ZNF280D: variants seen among roughly 807,000 people sequenced by gnomAD.
ZNF280D encodes zinc finger protein 280D, also known as suppressor of hairy wing homolog 4.
Under a neutral mutation model 94.7 loss-of-function variants are expected in ZNF280D, and 39 were observed. The observed-to-expected ratio is 0.41, with a 90% CI of 0.32 to 0.54. ZNF280D has a LOEUF of 0.54. Ranked by LOEUF, ZNF280D falls within the 20% of genes least tolerant of loss-of-function variation. The pLI is 0.22. For missense variants in ZNF280D, 1,090 were observed against 1,149.3 expected (o/e 0.95, Z 0.75); for synonymous variants, 398 against 377.6 (o/e 1.05, Z -0.63).
intron 9 of ZNF280D, among the ~76,000 whole-genome samples, chr15:56,685,515 C>T (rs1224638765): frequency 6.6e-6 from 1 of 151,944 alleles, no homozygotes; most frequent in Non-Finnish European, 1.5e-5. Flanking sequence ...GTTAGAGCCA[C>T]CAAATAAAGT....
intron 1 of ZNF280D, among the ~76,000 whole-genome samples, chr15:56,732,353 G>GT (rs745763595): frequency 1.4e-4 from 22 of 152,216 alleles, no homozygotes; most frequent in Non-Finnish European, 2.6e-4. Flanking sequence ...TTGTAGTGAT[G>GT]TTAAAACATC....
chr15:56,666,771 G>C lies in ZNF280D; in HGVS notation c.1761C>G (p.Tyr587Ter). The change falls in exon 15 of 22, where the codon TAC becomes TAG. Residue 587 changes from tyrosine (Y) to a stop codon, truncating the protein, a stop_gained. Transcript: ENST00000267807. LOFTEE classifies it high-confidence loss of function. The part of the protein sequence containing the change: ...TSKPNGSKSK[Y>*]KPKISNMQKK... ...TTTGCATATTAGAGATTTTTGGTTT[G>C]TATTTAGATTTACTTCCATTAGGCT... The C allele has an allele frequency of 6.2e-7, 1 of 1,613,584 alleles. No homozygotes were observed. Among genetic ancestry groups the C allele is most frequent in the Non-Finnish European group, 8.5e-7 (1 of 1,179,778 alleles).
At chr15:56,674,088 GC>G (rs1174089688) in intron 13 of ZNF280D, among the ~76,000 whole-genome samples, 1 of 152,054 alleles carries the variant, frequency 6.6e-6, no homozygotes, top group Non-Finnish European at 1.5e-5. Flanking sequence ...ACCTAAAGCA[GC>G]CCCTAGCACA....
intron 13 of ZNF280D, 69 bp from the exon 14 acceptor site, chr15:56,669,026 T>C: frequency 6.9e-7 from 1 of 1,447,044 alleles, no homozygotes; most frequent in Non-Finnish European, 9.4e-7. Context: ...GTCCTGAAAC[T>C]GCTGACTTAA....
intron 6 of ZNF280D, among the ~76,000 whole-genome samples, chr15:56,697,121 T>C (rs2056796984): frequency 6.6e-6 from 1 of 152,118 alleles, no homozygotes; most frequent in African/African-American, 2.4e-5. Flanking sequence ...TTAATTTGAT[T>C]CCAACTAATA....
At chr15:56,704,477 A>T (rs2057279086) in intron 3 of ZNF280D, among the ~76,000 whole-genome samples, 1 of 152,238 alleles carries the variant, frequency 6.6e-6, no homozygotes, top group African/African-American at 2.4e-5. Flanking sequence ...ATAAACAGAT[A>T]ATCAATGACA....
intron 16 of ZNF280D, among the ~76,000 whole-genome samples, chr15:56,662,278 C>A (rs1441661852): frequency 1.3e-5 from 2 of 151,638 alleles, no homozygotes; most frequent in Non-Finnish European, 2.9e-5. Flanking sequence ...AGAACTGAAC[C>A]TAAAAAATGC....
At chr15:56,709,066 C>T (rs1313957061) in intron 1 of ZNF280D, among the ~76,000 whole-genome samples, 1 of 152,062 alleles carries the variant, frequency 6.6e-6, no homozygotes, top group East Asian at 1.9e-4. Context: ...TCAGAGTGAA[C>T]AGGCAACCTA....
chr15:56,710,174 G>A (rs566491246), intron 1 of ZNF280D, among the ~76,000 whole-genome samples: 10 of 152,272 alleles, frequency 6.6e-5, no homozygotes, highest in South Asian at 6.2e-4. Context: ...AGGCCGAGGC[G>A]GGTGGATCAC....
intron 13 of ZNF280D, among the ~76,000 whole-genome samples, chr15:56,671,734 G>T (rs1169663281): frequency 6.6e-6 from 1 of 152,044 alleles, no homozygotes; most frequent in Non-Finnish European, 1.5e-5. Context: ...AGTTTAATGG[G>T]AATAGCACTG....
intron 13 of ZNF280D, among the ~76,000 whole-genome samples, chr15:56,675,096 C>T (rs117746911): frequency 2.1e-3 from 318 of 152,086 alleles, no homozygotes; most frequent in Non-Finnish European, 3.9e-3. Flanking sequence ...GGCTATCTAC[C>T]TCCCAGGCAC....
intron 6 of ZNF280D, chr15:56,700,153 G>GCAATT: frequency 1.0e-6 from 1 of 975,304 alleles, no homozygotes; most frequent in Non-Finnish European, 1.2e-6. Flanking sequence ...TTCAACTAAG[G>GCAATT]CAATTCTTTC....
At position 56,689,946 on chromosome 15, in the gene ZNF280D, G is replaced by A. The variant is rs1351022990; in HGVS notation, c.500-476C>T. Among the ~76,000 whole-genome samples the A allele has an allele frequency of 1.3e-5, 2 of 152,278 alleles. 1 individual carries two copies. The highest frequency in any genetic ancestry group is 4.1e-4 in the South Asian group (2 of 4,828). On this transcript the variant is annotated intron_variant, in intron 7 of 21. Coordinates refer to ENST00000267807, the MANE Select transcript of ZNF280D (RefSeq NM_017661.4). The stretch of plus-strand genomic sequence containing the variant: ...ATTTAACAACTTAAAATGTCTAATG[G>A]AAATTTAGTTCTTTCCTACCTAACA...
chr15:56,660,648 A>G (rs1299977782), intron 16 of ZNF280D, among the ~76,000 whole-genome samples: 1 of 152,140 alleles, frequency 6.6e-6, no homozygotes, highest in East Asian at 1.9e-4. Flanking sequence ...TTATTACAAT[A>G]TAGTAAAAAT....
chr15:56,643,041 G>A (rs1369009608), intron 19 of ZNF280D, 44 bp from the exon 20 acceptor site: 4 of 1,270,128 alleles, frequency 3.1e-6, no homozygotes, highest in African/African-American at 1.6e-5. Context: ...TTATATGTAC[G>A]ATGGTAAAAT....
Position 56,666,473 on chromosome 15 carries a change from T to C in ZNF280D, c.1916A>G (p.His639Arg). ...CCSEIKDFAN[H>R]FPTYVHCSFC... ...ACTACAGTGGACGTACGTAGGAAAGTGGTTTGCAAAATCTTTTATTTCGGA... is the reference window on the plus strand; with the variant it reads ...ACTACAGTGGACGTACGTAGGAAAGCGGTTTGCAAAATCTTTTATTTCGGA... The change falls in exon 16 of 22, where the codon CAC becomes CGC. Residue 639 changes from histidine (H) to arginine (R), a missense_variant. By Grantham distance (29) the His-to-Arg change is conservative. Coordinates refer to ENST00000267807, the MANE Select transcript of ZNF280D (RefSeq NM_017661.4). The C allele has an allele frequency of 6.2e-7, 1 of 1,604,144 alleles. No homozygotes were observed. The highest frequency in any genetic ancestry group is 1.1e-5 in the South Asian group (1 of 88,626).
intron 1 of ZNF280D, among the ~76,000 whole-genome samples, chr15:56,731,410 G>A (rs752694911): frequency 2.0e-5 from 3 of 150,856 alleles, no homozygotes; most frequent in Non-Finnish European, 4.4e-5. Flanking sequence ...GGCCGAGGTG[G>A]GAGGATGGCT....
chr15:56,689,037 T>C lies in ZNF280D; in HGVS notation c.780+4A>G. On this transcript the variant is annotated splice_donor_region_variant and intron_variant, in intron 9 of 21. Transcript: ENST00000267807. ...TTACAAATTAAATTTTGAAAGAGTT[T>C]TACCTTCATGTGATTTTTCAAAGGA... The C allele has an allele frequency of 6.3e-7, 1 of 1,587,144 alleles. No individual in the cohort carries two copies. Among genetic ancestry groups the C allele is most frequent in the Non-Finnish European group, 8.6e-7 (1 of 1,166,018 alleles).
chr15:56,700,155 A>G, intron 6 of ZNF280D: 1 of 976,484 alleles, frequency 1.0e-6, no homozygotes, highest in Non-Finnish European at 1.2e-6. Flanking sequence ...CAACTAAGGC[A>G]ATTCTTTCAT....
Sources: gnomAD v4.1 joint callset for allele counts (sites outside exome capture counted in the v4.1 genomes callset) on GRCh38, gnomAD v4.1.1 for gene constraint, MANE v1.5 for transcripts, NCBI Gene and HGNC (gene_info 2026-07-23, HGNC 2026-07-21) for gene names.